Variants in CLSTN1 observed in about 807,000 individuals in gnomAD.
CLSTN1 encodes calsyntenin 1, also known as calsyntenin-1.
CLSTN1 carries 28 observed loss-of-function variants against 108.3 expected under a neutral mutation model. The observed-to-expected ratio is 0.26, with a 90% CI of 0.19 to 0.35. The LOEUF (loss-of-function observed/expected upper bound fraction) is 0.35, where lower values mean the gene tolerates loss of function less well. CLSTN1 is among the 10% of genes least tolerant of loss of function. The pLI is 1.00. For missense variants in CLSTN1, 1,157 were observed against 1,302.6 expected (o/e 0.89, Z 1.72); for synonymous variants, 524 against 534.9 (o/e 0.98, Z 0.28).
chr1:9,755,097 T>C lies in CLSTN1; in HGVS notation c.440+17A>G, dbSNP rs2101116906. 1.2e-6 allele frequency: 2 copies of C among 1,602,108 alleles called. No individual in the cohort carries two copies. The highest frequency in any genetic ancestry group is 2.2e-5 in the East Asian group (1 of 44,590). Reference sequence around the variant, plus strand: ...TTACTCGGTGGGTTATGTTCACTCTTTGTCCAGCTTACTTACTTATGAGAC... The same window carrying C: ...TTACTCGGTGGGTTATGTTCACTCTCTGTCCAGCTTACTTACTTATGAGAC... On this transcript the variant is annotated intron_variant, in intron 4 of 18. Coordinates refer to ENST00000377298, the MANE Select transcript of CLSTN1 (RefSeq NM_001009566.3).
At chr1:9,766,919 T>C (rs2101141326) in intron 2 of CLSTN1, among the ~76,000 whole-genome samples, 1 of 152,326 alleles carries the variant, frequency 6.6e-6, no homozygotes, top group East Asian at 1.9e-4. Flanking sequence ...GCATTGCATG[T>C]GCATTCATTT....
chr1:9,737,682 C>T, intron 10 of CLSTN1, 128 bp from the exon 11 acceptor site: 1 of 796,384 alleles, frequency 1.3e-6, no homozygotes, highest in Non-Finnish European at 2.1e-6. Context: ...CGTGATCCCG[C>T]TCTGGGATGT....
intron 1 of CLSTN1, among the ~76,000 whole-genome samples, chr1:9,777,971 G>A (rs1378979991): frequency 6.6e-6 from 1 of 152,012 alleles, no homozygotes; most frequent in Non-Finnish European, 1.5e-5. Context: ...CCAACACCTG[G>A]GGAGAAGACG....
rs1655275335 is a variant in CLSTN1 at position 9,823,552 on chromosome 1, C to CGGACCCGAATCCCCGCACCG, written c.91+71_91+90dup. On this transcript the variant is annotated intron_variant, in intron 1 of 18. Coordinates refer to ENST00000377298, the MANE Select transcript of CLSTN1 (RefSeq NM_001009566.3). This position sits in a 1 kb window ranked among gnomAD's most constrained non-coding sequence, Gnocchi z 6.3. The stretch of plus-strand genomic sequence containing the variant: ...CGGCATCCGGCCCTACTCCCGCACC[C>CGGACCCGAATCCCCGCACCG]GGACCCGAATCCCCGCACCGGGACC... 1 of 865,054 alleles carries CGGACCCGAATCCCCGCACCG rather than the reference C, an allele frequency of 1.2e-6. No individual in the cohort carries two copies. Among genetic ancestry groups the CGGACCCGAATCCCCGCACCG allele is most frequent in the African/African-American group, 1.8e-5 (1 of 55,352 alleles). 53.6% of individuals were successfully genotyped at this position (865,054 alleles called of 1,614,324 possible).
chr1:9,754,140 A>T (rs1651699383), intron 4 of CLSTN1, among the ~76,000 whole-genome samples: 2 of 152,206 alleles, frequency 1.3e-5, no homozygotes, highest in Admixed American at 1.3e-4. Flanking sequence ...TAGGAATTAC[A>T]GCAAAAGATA....
rs750303998 is a variant in CLSTN1 at position 9,735,157 on chromosome 1, G to A, written c.1901C>T (p.Thr634Ile). 2 of 1,614,230 alleles carry A rather than the reference G, an allele frequency of 1.2e-6. No individual in the cohort carries two copies. The highest frequency in any genetic ancestry group is 1.7e-5 in the Admixed American group (1 of 60,022). ...ATCTACCGGGGGGACCGAAATGCAG[G>A]TGGCCTCGTTAAAACACCTGCCAGC... ...TSTIKCFNEA[T>I]CISVPPVDGY... Residue 634 changes from threonine to isoleucine, a missense_variant, in exon 14 of 19, where the codon ACC becomes ATC. Coordinates refer to ENST00000377298, the MANE Select transcript of CLSTN1 (RefSeq NM_001009566.3).
At chr1:9,813,836 G>A (rs181672367) in intron 1 of CLSTN1, among the ~76,000 whole-genome samples, 14 of 151,900 alleles carry the variant, frequency 9.2e-5, no homozygotes, top group African/African-American at 2.9e-4. Flanking sequence ...GCGGTGGCTC[G>A]CACCTGTAAT....
chr1:9,731,773 G>C lies in CLSTN1; in HGVS notation c.2551C>G (p.His851Asp). 6.2e-7 allele frequency: 1 copy of C among 1,614,234 alleles called. No individual in the cohort carries two copies. Residue 851 changes from histidine to aspartate, a missense_variant, in exon 17 of 19, where the codon CAC (histidine) becomes GAC (aspartate). By Grantham distance (81) the His-to-Asp change is moderately conservative. Transcript: ENST00000377298. ...CCCCATGTCCTACCTGCGAACGGGT[G>C]GGGGTTGGCCAGGTTGTGGCCTGAC... is the stretch of plus-strand genomic sequence containing the variant. ...DLSGHNLANP[H>D]PFAVVPSTAT...
In CLSTN1 at chr1:9,797,033, G is replaced by C. The variant is rs147501814; in HGVS notation, c.92-23639C>G. ...CATGGTTAAACACTGGTGCGTGGTA[G>C]GGGTACTTGGGGGTTGGAGTTAAAT... On this transcript the variant is annotated intron_variant, in intron 1 of 18. Coordinates refer to ENST00000377298, the MANE Select transcript of CLSTN1 (RefSeq NM_001009566.3). Among the ~76,000 whole-genome samples, 131 of 152,276 alleles carry C rather than the reference G, an allele frequency of 8.6e-4. 1 individual carries two copies. Among genetic ancestry groups the C allele is most frequent in the African/African-American group, 3.1e-3 (128 of 41,562 alleles).
At chr1:9,779,798 G>A (rs535483321) in intron 1 of CLSTN1, among the ~76,000 whole-genome samples, 2 of 151,988 alleles carry the variant, frequency 1.3e-5, no homozygotes, top group African/African-American at 4.8e-5. Context: ...TGTAAGATAG[G>A]CCATTTTAAA....
intron 1 of CLSTN1, among the ~76,000 whole-genome samples, chr1:9,794,323 G>A (rs1000698796): frequency 2.0e-5 from 3 of 151,342 alleles, no homozygotes; most frequent in African/African-American, 7.3e-5. Flanking sequence ...ATTAAATGTT[G>A]TTTGAGATTG....
intron 1 of CLSTN1, among the ~76,000 whole-genome samples, chr1:9,795,146 C>G (rs1653932129): frequency 6.6e-6 from 1 of 150,620 alleles, no homozygotes; most frequent in Non-Finnish European, 1.5e-5. Context: ...ATTCTTACAT[C>G]ATTTATAAAA....
chr1:9,801,997 G>A (rs1300586141), intron 1 of CLSTN1, among the ~76,000 whole-genome samples: 2 of 152,162 alleles, frequency 1.3e-5, no homozygotes, highest in Admixed American at 1.3e-4. Flanking sequence ...AGTGTTCTAA[G>A]TACTTTACAA....
At chr1:9,794,313 A>G (rs1653895412) in intron 1 of CLSTN1, among the ~76,000 whole-genome samples, 1 of 151,344 alleles carries the variant, frequency 6.6e-6, no homozygotes, top group Non-Finnish European at 1.5e-5. Flanking sequence ...TCATTCACCA[A>G]TTAAATGTTG....
intron 2 of CLSTN1, among the ~76,000 whole-genome samples, chr1:9,762,507 T>C (rs957845731): frequency 2.9e-5 from 4 of 140,038 alleles, no homozygotes; most frequent in African/African-American, 6.4e-5. Context: ...GCAGCGACTA[T>C]CCACTTCTCC....
chr1:9,751,392 A>C, intron 5 of CLSTN1, 81 bp downstream of exon 5: 1 of 1,353,896 alleles, frequency 7.4e-7, no homozygotes, highest in Non-Finnish European at 1.0e-6. Context: ...GTTCTGACGA[A>C]GCACAGAAGC....
In CLSTN1 at chr1:9,793,303, G is replaced by A. The variant is rs565678817; in HGVS notation, c.92-19909C>T. ...GTTGGGATTACAGGCGTGAGCCACT[G>A]CGCCCAGCCTAAAATACGGATCCTA... On this transcript the variant is annotated intron_variant, in intron 1 of 18. Coordinates refer to ENST00000377298, the MANE Select transcript of CLSTN1 (RefSeq NM_001009566.3). Among the ~76,000 whole-genome samples, 2 of 151,640 alleles carry A rather than the reference G, an allele frequency of 1.3e-5. 1 individual carries two copies. The highest frequency in any genetic ancestry group is 4.3e-4 in the South Asian group (2 of 4,638).
chr1:9,737,850 C>T (rs1019029115), intron 10 of CLSTN1, among the ~76,000 whole-genome samples: 1 of 152,148 alleles, frequency 6.6e-6, no homozygotes, highest in African/African-American at 2.4e-5. Flanking sequence ...ACATGGAATT[C>T]GTTCCCCTCC....
intron 10 of CLSTN1, among the ~76,000 whole-genome samples, chr1:9,737,851 G>A (rs962147356): frequency 2.6e-5 from 4 of 152,078 alleles, no homozygotes; most frequent in South Asian, 2.1e-4. Context: ...CATGGAATTC[G>A]TTCCCCTCCC....
Sources: gnomAD v4.1 joint callset for allele counts (sites outside exome capture counted in the v4.1 genomes callset) on GRCh38, gnomAD v4.1.1 for gene constraint, Gnocchi (gnomAD v3.1) non-coding constraint, MANE v1.5 for transcripts, NCBI Gene and HGNC (gene_info 2026-07-23, HGNC 2026-07-21) for gene names.